Variants in CLYBL observed in about 807,000 individuals in gnomAD.
CLYBL encodes the protein citramalyl-CoA lyase.
A neutral mutation model predicts 38.9 loss-of-function variants in CLYBL; 31 were observed. The ratio of observed to expected loss-of-function variants is 0.80; its 90% CI spans 0.60 to 1.08. The LOEUF (loss-of-function observed/expected upper bound fraction) is 1.08, where lower values mean the gene tolerates loss of function less well. CLYBL is among the 50% of genes least tolerant of loss of function. The pLI is 0.00. For missense variants in CLYBL, 434 were observed against 411.6 expected, an observed-to-expected ratio of 1.05 and a Z score of -0.47; for synonymous variants, 171 against 158.6, an observed-to-expected ratio of 1.08 and a Z score of -0.59.
chr13:99,608,682 A>G (rs2046571971), intron 1 of CLYBL, among the ~76,000 whole-genome samples: 1 of 151,952 alleles, frequency 6.6e-6, no homozygotes, highest in African/African-American at 2.4e-5. Context: ...GCCTTAGCAC[A>G]CTGGTCTGTT....
intron 7 of CLYBL, among the ~76,000 whole-genome samples, chr13:99,883,881 C>T (rs1022725731): frequency 6.6e-6 from 1 of 152,212 alleles, no homozygotes; most frequent in African/African-American, 2.4e-5. Context: ...AAACCAGCAC[C>T]ATTGTGATAG....
At chr13:99,720,869 T>C (rs2048381764) in intron 1 of CLYBL, among the ~76,000 whole-genome samples, 1 of 152,172 alleles carries the variant, frequency 6.6e-6, no homozygotes, top group Non-Finnish European at 1.5e-5. Flanking sequence ...ATGTAAATGC[T>C]TCTTTCCATT....
Position 99,798,175 on chromosome 13 carries a change from A to G in CLYBL, c.249+25165A>G, listed in dbSNP as rs542024220. Among the ~76,000 whole-genome samples, 89 of 152,304 alleles carry G rather than the reference A, an allele frequency of 5.8e-4. No individual in the cohort carries two copies. In the Middle Eastern group the frequency reaches 0.01, roughly 17 times the overall value. On this transcript the variant is annotated intron_variant, in intron 2 of 8. Transcript: ENST00000339105. ...CTGAAGAAGGAGGGAGGGAAGAGGC[A>G]GGAGAAGAAACGTCTCTGTTTCACT... is the stretch of plus-strand genomic sequence containing the variant.
chr13:99,717,406 A>G (rs1451444333), intron 1 of CLYBL, among the ~76,000 whole-genome samples: 5 of 142,076 alleles, frequency 3.5e-5, no homozygotes, highest in African/African-American at 1.0e-4. Context: ...AGCCTGGGCG[A>G]CAGAGTGAGA....
Position 99,645,921 on chromosome 13 carries a change from C to CT in CLYBL, c.62+39167dup, listed in dbSNP as rs2047169878. Among the ~76,000 whole-genome samples, 4 of 152,262 alleles carry CT rather than the reference C, an allele frequency of 2.6e-5. No homozygotes were observed. The South Asian group carries it at 8.3e-4, about 32-fold the overall frequency. ...ATTTCTGATCCAGGGAGAGGGCTTT[C>CT]TTTAAGGGGTGTGGGGCATGAATAA... On this transcript the variant is annotated intron_variant, in intron 1 of 8. Transcript: ENST00000339105.
intron 1 of CLYBL, among the ~76,000 whole-genome samples, chr13:99,760,386 T>C (rs1447839115): frequency 6.6e-6 from 1 of 152,242 alleles, no homozygotes; most frequent in African/African-American, 2.4e-5. Flanking sequence ...TTTCTTCATG[T>C]GGGTCCAAGT....
At chr13:99,791,875 T>A (rs1473731725) in intron 2 of CLYBL, among the ~76,000 whole-genome samples, 1 of 152,174 alleles carries the variant, frequency 6.6e-6, no homozygotes, top group Non-Finnish European at 1.5e-5. Context: ...TCTCACAGGG[T>A]AATATATTGG....
At chr13:99,827,763 G>A (rs773646599) in intron 2 of CLYBL, among the ~76,000 whole-genome samples, 3 of 152,218 alleles carry the variant, frequency 2.0e-5, no homozygotes, top group African/African-American at 4.8e-5. Context: ...TCAGACTCTC[G>A]CTTTGTCCCG....
At chr13:99,635,323 C>T (rs909408303) in intron 1 of CLYBL, among the ~76,000 whole-genome samples, 9 of 152,128 alleles carry the variant, frequency 5.9e-5, no homozygotes, top group African/African-American at 1.9e-4. Flanking sequence ...CACCCCCAAC[C>T]TTTTCCAGGA....
chr13:99,748,752 T>A, intron 1 of CLYBL, among the ~76,000 whole-genome samples: 1 of 152,028 alleles, frequency 6.6e-6, no homozygotes, highest in Admixed American at 6.5e-5. Flanking sequence ...AGTTTCTATC[T>A]GTATGAATTT....
Position 99,825,675 on chromosome 13 carries a change from C to T in CLYBL, c.250-33186C>T, listed in dbSNP as rs143103054. On this transcript the variant is annotated intron_variant, in intron 2 of 8. Coordinates refer to ENST00000339105, the MANE Select transcript of CLYBL (RefSeq NM_206808.5). ...ATCTTGTTTCCTGAGGCTCTGCACA[C>T]GCTGAGAGCACATCGTGCTCACAGG... Among the ~76,000 whole-genome samples the T allele has an allele frequency of 2.6e-3, 397 of 152,262 alleles. 3 individuals carry two copies. Among genetic ancestry groups the T allele is most frequent in the African/African-American group, 8.7e-3 (361 of 41,546 alleles).
intron 7 of CLYBL, among the ~76,000 whole-genome samples, chr13:99,886,246 T>C (rs772815530): frequency 3.9e-5 from 6 of 152,152 alleles, no homozygotes; most frequent in Non-Finnish European, 8.8e-5. Flanking sequence ...GATCAATTTG[T>C]GGTTTCTAGA....
intron 2 of CLYBL, among the ~76,000 whole-genome samples, chr13:99,840,466 A>G (rs1259601487): frequency 6.6e-6 from 1 of 151,902 alleles, no homozygotes; most frequent in Non-Finnish European, 1.5e-5. Context: ...AAATTTAACA[A>G]AAACCAAAAG....
chr13:99,611,010 G>A (rs1427547424), intron 1 of CLYBL, among the ~76,000 whole-genome samples: 1 of 152,202 alleles, frequency 6.6e-6, no homozygotes, highest in African/African-American at 2.4e-5. Context: ...CCACAAGACA[G>A]GTCAAATAGT....
At chr13:99,816,079 C>T (rs1488881530) in intron 2 of CLYBL, among the ~76,000 whole-genome samples, 1 of 152,122 alleles carries the variant, frequency 6.6e-6, no homozygotes, top group Non-Finnish European at 1.5e-5. Context: ...CCCAAATGTT[C>T]AAGGCATTGC....
chr13:99,833,040 T>A (rs1253608878), intron 2 of CLYBL, among the ~76,000 whole-genome samples: 263 of 55,404 alleles, frequency 4.7e-3, no homozygotes, highest in Non-Finnish European at 6.5e-3. Flanking sequence ...ATTTTTTTTT[T>A]TTTTTTTTTT....
intron 1 of CLYBL, among the ~76,000 whole-genome samples, chr13:99,701,457 G>T (rs1011604048): frequency 6.6e-6 from 1 of 151,708 alleles, no homozygotes; most frequent in South Asian, 2.1e-4. Flanking sequence ...GACTACAGGC[G>T]CCTGCCACCA....
At chr13:99,726,957 G>A (rs1437026855) in intron 1 of CLYBL, among the ~76,000 whole-genome samples, 4 of 152,068 alleles carry the variant, frequency 2.6e-5, no homozygotes, top group Admixed American at 2.0e-4. Flanking sequence ...TCAGGAGTTC[G>A]AGACCAGCCT....
chr13:99,612,071 G>A (rs2046634260), intron 1 of CLYBL, among the ~76,000 whole-genome samples: 1 of 152,154 alleles, frequency 6.6e-6, no homozygotes, highest in African/African-American at 2.4e-5. Context: ...GAGCCCATTT[G>A]CAGTTAATCC....
Sources: gnomAD v4.1 joint callset for allele counts (sites outside exome capture counted in the v4.1 genomes callset) on GRCh38, gnomAD v4.1.1 for gene constraint, MANE v1.5 for transcripts, NCBI Gene and HGNC (gene_info 2026-07-23, HGNC 2026-07-21) for gene names.